FBLN5: variants seen among roughly 807,000 people sequenced by gnomAD.
FBLN5 encodes the protein fibulin 5, also known as fibulin-5.
FBLN5 carries 24 observed loss-of-function variants against 61.6 expected under a neutral mutation model. The ratio of observed to expected loss-of-function variants is 0.39; its 90% CI spans 0.28 to 0.55. The LOEUF (loss-of-function observed/expected upper bound fraction) is 0.55. FBLN5 is among the 20% of genes least tolerant of loss of function. The probability of loss-of-function intolerance (pLI) is 0.65; values close to 1 mark genes in which losing one functional copy is unlikely to be tolerated. For synonymous variants in FBLN5, 213 were observed against 219.8 expected (o/e 0.97, Z 0.27); for missense variants, 470 against 594.1 (o/e 0.79, Z 2.17).
chr14:91,897,803 G>T (rs571850402), intron 4 of FBLN5, among the ~76,000 whole-genome samples: 3 of 152,180 alleles, frequency 2.0e-5, no homozygotes, highest in Non-Finnish European at 1.5e-5. Flanking sequence ...ATCCCAGCAC[G>T]TTGGGAGGCC....
intron 4 of FBLN5, among the ~76,000 whole-genome samples, chr14:91,931,069 C>T (rs1236616613): frequency 6.6e-6 from 1 of 152,168 alleles, no homozygotes; most frequent in African/African-American, 2.4e-5. Flanking sequence ...CACATGTTAT[C>T]TGTGAGACAG....
chr14:91,887,193 C>T lies in FBLN5; in HGVS notation c.739G>A (p.Asp247Asn). The T allele has an allele frequency of 1.2e-6, 2 of 1,613,996 alleles. No individual in the cohort carries two copies. Among genetic ancestry groups the T allele is most frequent in the Non-Finnish European group, 8.5e-7 (1 of 1,179,962 alleles). Residue 247 changes from aspartate to asparagine, a missense_variant and splice_region_variant, in exon 7 of 11, where the codon GAT (aspartate) becomes AAT (asparagine). Asp to Asn is a conservative substitution (Grantham distance 23). Coordinates refer to ENST00000342058, the MANE Select transcript of FBLN5 (RefSeq NM_006329.4). Reference sequence around the variant, plus strand: ...AGTTTCCAATGCGAAAGCCCATTACCACTGCAATGAACGCCATCTTCCTCA... The same window carrying T: ...AGTTTCCAATGCGAAAGCCCATTACTACTGCAATGAACGCCATCTTCCTCA... ...ELEEDGVHCS[D>N]MDECSFSEFL...
rs180675735 is a variant in FBLN5, at chr14:91,913,845, G to A, written c.380-18773C>T. 1.7e-3 allele frequency among the ~76,000 whole-genome samples: 256 copies of A among 152,310 alleles called. 3 individuals carry two copies. Among genetic ancestry groups the A allele is most frequent in the Admixed American group, 3.7e-3 (57 of 15,306 alleles). ...AAAGATAATTTAAATCCCCATAAATGTGTAACATTCAGAAACTCACCACTA... is the reference window on the plus strand; with the variant it reads ...AAAGATAATTTAAATCCCCATAAATATGTAACATTCAGAAACTCACCACTA... On this transcript the variant is annotated intron_variant, in intron 4 of 10. Transcript: ENST00000342058.
chr14:91,946,817 T>A lies in FBLN5; in HGVS notation c.17+396A>T. On this transcript the variant is annotated intron_variant, in intron 1 of 10. Transcript: ENST00000342058. ...CCCCGCGGTGTTCAGCTAGCCTGTC[T>A]GCTTGTCTATCAGCCGATGCGGCGC... 3 of 1,532,638 alleles carry A rather than the reference T, an allele frequency of 2.0e-6. No homozygotes were observed. In the South Asian group the frequency reaches 3.6e-5, roughly 18 times the overall value. The allele number at this position is 1,532,638 out of a possible 1,614,324, so 94.9% of individuals were successfully genotyped here. A position where few individuals can be genotyped will look rare whatever the true frequency, so the allele number is the denominator to read the frequency against.
Position 91,947,093 on chromosome 14 carries a change from C to G in FBLN5, c.17+120G>C, listed in dbSNP as rs983739629. 1.3e-6 allele frequency: 2 copies of G among 1,552,450 alleles called. No homozygotes were observed. Among genetic ancestry groups the G allele is most frequent in the African/African-American group, 2.7e-5 (2 of 73,462 alleles). On this transcript the variant is annotated intron_variant, in intron 1 of 10. Transcript: ENST00000342058. This position sits in a 1 kb window ranked among gnomAD's most constrained non-coding sequence, Gnocchi z 4.3. ...TAACAATATCATTGCATCACTAGCT[C>G]ATGCCTTTTCCAATATCCTGACACC... is the stretch of plus-strand genomic sequence containing the variant.
At chr14:91,926,769 G>A (rs894744146) in intron 4 of FBLN5, among the ~76,000 whole-genome samples, 7 of 151,718 alleles carry the variant, frequency 4.6e-5, no homozygotes, top group East Asian at 1.9e-4. Context: ...TTGCAGGTAC[G>A]TGGAGTGGAT....
chr14:91,898,215 G>GGT (rs1225506664), intron 4 of FBLN5, among the ~76,000 whole-genome samples: 3 of 151,828 alleles, frequency 2.0e-5, no homozygotes, highest in African/African-American at 7.3e-5. Flanking sequence ...TTTTGGCGGG[G>GGT]GGGGCGGAAT....
intron 4 of FBLN5, among the ~76,000 whole-genome samples, chr14:91,895,713 G>A (rs571217300): frequency 1.9e-4 from 27 of 145,306 alleles, no homozygotes; most frequent in African/African-American, 6.4e-4. Flanking sequence ...TGGGAGGATC[G>A]TTTGAGCCCA....
At chr14:91,900,183 C>T (rs535217842) in intron 4 of FBLN5, among the ~76,000 whole-genome samples, 19 of 152,224 alleles carry the variant, frequency 1.2e-4, no homozygotes, top group Admixed American at 1.0e-3. Context: ...CTTTTCTATC[C>T]CATATAAAAG....
intron 4 of FBLN5, among the ~76,000 whole-genome samples, chr14:91,901,687 C>T (rs1166789192): frequency 6.6e-6 from 1 of 152,216 alleles, no homozygotes; most frequent in Non-Finnish European, 1.5e-5. Context: ...GGAGAACTCG[C>T]TGTCGAATTC....
intron 4 of FBLN5, among the ~76,000 whole-genome samples, chr14:91,934,471 C>G (rs2055980038): frequency 6.6e-6 from 1 of 152,154 alleles, no homozygotes; most frequent in Non-Finnish European, 1.5e-5. Flanking sequence ...TTGTAAAGGT[C>G]CTAGCACACG....
intron 4 of FBLN5, among the ~76,000 whole-genome samples, chr14:91,913,250 C>T (rs1188061267): frequency 6.6e-6 from 1 of 152,114 alleles, no homozygotes; most frequent in Admixed American, 6.5e-5. Context: ...ATGTCCATTT[C>T]CCCATTTTTA....
intron 7 of FBLN5, 122 bp from the exon 8 acceptor site, chr14:91,883,198 G>T: frequency 9.0e-7 from 1 of 1,111,824 alleles, no homozygotes; most frequent in Non-Finnish European, 1.4e-6. Flanking sequence ...CTGCCAAGAA[G>T]CTGTCAATTC....
intron 3 of FBLN5, among the ~76,000 whole-genome samples, chr14:91,938,993 C>T (rs1048985600): frequency 6.6e-6 from 1 of 152,176 alleles, no homozygotes; most frequent in Non-Finnish European, 1.5e-5. Context: ...AAAATCAAAA[C>T]GTAAGCCCAG....
chr14:91,927,958 G>C (rs373162485), intron 4 of FBLN5, among the ~76,000 whole-genome samples: 11 of 152,254 alleles, frequency 7.2e-5, no homozygotes, highest in Non-Finnish European at 1.6e-4. Context: ...GCTAGACACT[G>C]GGGAAGTGAC....
chr14:91,881,517 A>G, intron 8 of FBLN5, 99 bp from the exon 9 acceptor site: 4 of 1,344,432 alleles, frequency 3.0e-6, no homozygotes, highest in Non-Finnish European at 4.2e-6. Flanking sequence ...GAGCTGTACT[A>G]TCCAATATGG....
rs1321118394 is a variant in FBLN5, at chr14:91,881,314, G to C, written c.967C>G (p.Pro323Ala). 1.2e-6 allele frequency: 2 copies of C among 1,614,088 alleles called. No individual in the cohort carries two copies. Among genetic ancestry groups the C allele is most frequent in the Admixed American group, 1.7e-5 (1 of 60,012 alleles). The change falls in exon 9 of 11, where the codon CCT (proline) becomes GCT (alanine). Residue 323 changes from proline (P) to alanine (A), a missense_variant. Transcript: ENST00000342058. ...TACTTATCACTGATCCTCAGATAAG[G>C]CTCCTCACAGCGGATGGGGTCAATG... ...KCIDPIRCEE[P>A]YLRISDNRCM...
chr14:91,878,430 C>T (rs751144268), intron 9 of FBLN5, among the ~76,000 whole-genome samples: 2 of 152,174 alleles, frequency 1.3e-5, no homozygotes, highest in Non-Finnish European at 2.9e-5. Flanking sequence ...ACCCCTAACA[C>T]CCCCTTCCTC....
At chr14:91,873,827 G>A (rs1227139741) in intron 10 of FBLN5, 3 of 152,256 alleles carry the variant, frequency 2.0e-5, no homozygotes, top group Admixed American at 2.0e-4. Flanking sequence ...GGATGGCATG[G>A]TCTGACCTGT....
Sources: gnomAD v4.1 joint callset for allele counts (sites outside exome capture counted in the v4.1 genomes callset) on GRCh38, gnomAD v4.1.1 for gene constraint, Gnocchi (gnomAD v3.1) non-coding constraint, MANE v1.5 for transcripts, NCBI Gene and HGNC (gene_info 2026-07-23, HGNC 2026-07-21) for gene names.